AFF1: variants seen among roughly 807,000 people sequenced by gnomAD.
The protein encoded by AFF1 is ALF transcription elongation factor 1.
A neutral mutation model predicts 121.7 loss-of-function variants in AFF1; 48 were observed. The observed-to-expected ratio is 0.39, with a 90% CI of 0.31 to 0.50. The LOEUF (loss-of-function observed/expected upper bound fraction) is 0.50. AFF1 is among the 20% of genes least tolerant of loss of function. The pLI is 0.76. For missense variants in AFF1, 1,523 were observed against 1,511.7 expected, an observed-to-expected ratio of 1.01 and a Z score of -0.12; for synonymous variants, 613 against 563.0, an observed-to-expected ratio of 1.09 and a Z score of -1.26.
At chr4:87,069,832 T>A (rs1431599083) in intron 4 of AFF1, among the ~76,000 whole-genome samples, 1 of 150,748 alleles carries the variant, frequency 6.6e-6, no homozygotes, top group East Asian at 1.9e-4. Flanking sequence ...TTTTTTTTTT[T>A]TTTTGAGACG....
intron 11 of AFF1, among the ~76,000 whole-genome samples, chr4:87,113,153 C>T (rs1053286269): frequency 2.0e-5 from 3 of 152,172 alleles, no homozygotes; most frequent in East Asian, 1.9e-4. Context: ...GTTAAGGTAA[C>T]GAGCCAGGAA....
chr4:86,980,760 G>A (rs1243799135), intron 2 of AFF1, among the ~76,000 whole-genome samples: 1 of 152,260 alleles, frequency 6.6e-6, no homozygotes. Flanking sequence ...AGGAGAGAAC[G>A]ATAGAAGCTA....
rs372286163 is a variant in AFF1 at position 86,998,627 on chromosome 4, G to GT, written c.39-47530dup. Among the ~76,000 whole-genome samples, 677 of 149,896 alleles carry GT rather than the reference G, an allele frequency of 4.5e-3. 3 individuals carry two copies. Among genetic ancestry groups the GT allele is most frequent in the African/African-American group, 0.015 (627 of 40,792 alleles). On this transcript the variant is annotated intron_variant, in intron 2 of 20. Transcript: ENST00000395146. ...CTAACAAACATACTGTATTGTACCT[G>GT]TTTTTTTTTCCTTTTAAAAATTATT...
rs1724792059 is a variant in AFF1 at position 87,095,943 on chromosome 4, C to T, written c.1283+974C>T. Among the ~76,000 whole-genome samples the T allele has an allele frequency of 3.3e-5, 5 of 150,164 alleles. No homozygotes were observed. The South Asian group carries it at 1.0e-3, about 31-fold the overall frequency. ...CCCAGGAGTTTAAGCTCCAACTTTC[C>T]TTTAGTTTTAGGCACAATATTTGTT... On this transcript the variant is annotated intron_variant, in intron 8 of 20. Coordinates refer to ENST00000395146, the MANE Select transcript of AFF1 (RefSeq NM_001166693.3).
At chr4:86,956,799 T>C (rs1721774205) in intron 2 of AFF1, among the ~76,000 whole-genome samples, 1 of 152,242 alleles carries the variant, frequency 6.6e-6, no homozygotes, top group African/African-American at 2.4e-5. Flanking sequence ...AGATGTGCCA[T>C]CTTGTACTAT....
intron 2 of AFF1, among the ~76,000 whole-genome samples, chr4:86,958,708 A>G (rs1231200002): frequency 2.0e-5 from 3 of 152,066 alleles, no homozygotes; most frequent in African/African-American, 7.2e-5. Flanking sequence ...ACAGAGTAAG[A>G]CTCTCTCAAA....
At chr4:87,064,727 A>C (rs973975203) in intron 4 of AFF1, among the ~76,000 whole-genome samples, 1 of 152,050 alleles carries the variant, frequency 6.6e-6, no homozygotes, top group Non-Finnish European at 1.5e-5. Flanking sequence ...AAAAATGCAA[A>C]AATTAGCCAG....
intron 12 of AFF1, among the ~76,000 whole-genome samples, chr4:87,121,962 CTA>C (rs569867178): frequency 3.1e-4 from 47 of 152,292 alleles, no homozygotes; most frequent in African/African-American, 1.1e-3. Flanking sequence ...CAAAATGAAA[CTA>C]TATGAACAAA....
At chr4:86,954,311 T>C (rs1432176932) in intron 2 of AFF1, among the ~76,000 whole-genome samples, 1 of 152,224 alleles carries the variant, frequency 6.6e-6, no homozygotes, top group Non-Finnish European at 1.5e-5. Flanking sequence ...TAACTACTAA[T>C]TAGCCTACAG....
At chr4:87,101,189 C>A (rs180961065) in intron 8 of AFF1, among the ~76,000 whole-genome samples, 1 of 152,184 alleles carries the variant, frequency 6.6e-6, no homozygotes, top group African/African-American at 2.4e-5. Context: ...TAGCCTGCTT[C>A]GTAATTTGTA....
intron 12 of AFF1, among the ~76,000 whole-genome samples, chr4:87,117,316 A>C (rs1259396831): frequency 6.6e-6 from 1 of 152,142 alleles, no homozygotes; most frequent in African/African-American, 2.4e-5. Context: ...CCTTCATCTT[A>C]ATCGAGTGCA....
chr4:86,944,816 TTATG>T (rs1191691100), intron 1 of AFF1, among the ~76,000 whole-genome samples: 1 of 152,314 alleles, frequency 6.6e-6, no homozygotes, highest in East Asian at 1.9e-4. Context: ...TTTTTTCTAT[TTATG>T]TATGTATGTG....
Position 87,136,568 on chromosome 4 carries a change from T to G in AFF1, c.*867T>G, listed in dbSNP as rs1729319465. 2 of 231,490 alleles carry G rather than the reference T, an allele frequency of 8.6e-6. No individual in the cohort carries two copies. Among genetic ancestry groups the G allele is most frequent in the African/African-American group, 2.2e-5 (1 of 45,232 alleles). The allele number at this position is 231,490 out of a possible 1,614,324, so 14.3% of individuals were successfully genotyped here. On this transcript the variant is annotated 3_prime_UTR_variant, in exon 21 of 21. Transcript: ENST00000395146. ...CTAACAGGGCAGTCACTGTTGACTC[T>G]ATTCTGAATTTCCTCCCTTGGGGAA...
At chr4:86,953,083 A>G (rs1721490190) in intron 2 of AFF1, among the ~76,000 whole-genome samples, 1 of 151,780 alleles carries the variant, frequency 6.6e-6, no homozygotes, top group Non-Finnish European at 1.5e-5. Flanking sequence ...GCTAGTTATT[A>G]AGTTTGGATG....
intron 2 of AFF1, among the ~76,000 whole-genome samples, chr4:86,988,527 C>G (rs1371230015): frequency 6.6e-6 from 1 of 152,050 alleles, no homozygotes; most frequent in Non-Finnish European, 1.5e-5. Flanking sequence ...AACCACTGCT[C>G]AAGGAAATAA....
chr4:86,938,225 G>T (rs1488002599), intron 1 of AFF1, among the ~76,000 whole-genome samples: 1 of 152,184 alleles, frequency 6.6e-6, no homozygotes, highest in South Asian at 2.1e-4. Flanking sequence ...TGAGGCGAGC[G>T]GATCACTTGA....
At chr4:87,003,967 CTTAAAA>C (rs1397047139) in intron 2 of AFF1, among the ~76,000 whole-genome samples, 1 of 152,214 alleles carries the variant, frequency 6.6e-6, no homozygotes, top group Non-Finnish European at 1.5e-5. Context: ...CCAAAAACTT[CTTAAAA>C]TTATTTTCTA....
intron 4 of AFF1, among the ~76,000 whole-genome samples, chr4:87,081,920 A>G (rs748361577): frequency 3.3e-5 from 5 of 152,202 alleles, no homozygotes; most frequent in Non-Finnish European, 7.3e-5. Flanking sequence ...GGGGAAAAAA[A>G]ACATTTCGGC....
intron 1 of AFF1, chr4:86,936,152 C>G (rs796834313): frequency 6.6e-6 from 1 of 152,170 alleles, no homozygotes; most frequent in African/African-American, 2.4e-5. Flanking sequence ...GGAGATGTGT[C>G]CGAATCTCCC....
Sources: gnomAD v4.1 joint callset for allele counts (sites outside exome capture counted in the v4.1 genomes callset) on GRCh38, gnomAD v4.1.1 for gene constraint, MANE v1.5 for transcripts, NCBI Gene and HGNC (gene_info 2026-07-23, HGNC 2026-07-21) for gene names.